RBL1: variants seen among roughly 807,000 people sequenced by gnomAD.
RBL1 encodes retinoblastoma-like protein 1.
In RBL1, 82 loss-of-function variants were observed where a neutral mutation model predicts 123.0. The ratio of observed to expected loss-of-function variants is 0.67; its 90% CI spans 0.56 to 0.80. RBL1 has a LOEUF of 0.80. Ranked by LOEUF, RBL1 falls within the 30% of genes least tolerant of loss-of-function variation. The pLI, the probability that RBL1 is intolerant of heterozygous loss-of-function variation, is 0.00. For missense variants in RBL1, 1,171 were observed against 1,299.6 expected (o/e 0.90, Z 1.52); for synonymous variants, 405 against 441.3 (o/e 0.92, Z 1.03).
intron 19 of RBL1, among the ~76,000 whole-genome samples, chr20:37,012,103 G>A (rs1357238454): frequency 1.3e-5 from 2 of 152,244 alleles, no homozygotes; most frequent in African/African-American, 4.8e-5. Flanking sequence ...AACCGCGAGT[G>A]ATCCGCCAGC....
intron 1 of RBL1, 29 bp from the exon 2 acceptor site, chr20:37,089,151 A>G (rs995670236): frequency 6.4e-7 from 1 of 1,560,112 alleles, no homozygotes; most frequent in Non-Finnish European, 8.7e-7. Context: ...ACAGCAAAAC[A>G]GGTATAATAT....
Position 37,058,994 on chromosome 20 carries a change from A to G in RBL1, c.1250+2109T>C, listed in dbSNP as rs1327539593. Among the ~76,000 whole-genome samples, 3 of 152,152 alleles carry G rather than the reference A, an allele frequency of 2.0e-5. No homozygotes were observed. The East Asian group carries it at 5.8e-4, about 29-fold the overall frequency. ...ACTGATCCTCTCGCCTCAGCCTCCC[A>G]AAGTGCTGCAATTACAGGCATGGGC... On this transcript the variant is annotated intron_variant, in intron 9 of 21. Coordinates refer to ENST00000373664, the MANE Select transcript of RBL1 (RefSeq NM_002895.5).
At chr20:37,089,229 A>G in intron 1 of RBL1, 107 bp from the exon 2 acceptor site, 1 of 1,132,538 alleles carries the variant, frequency 8.8e-7, no homozygotes. Flanking sequence ...TTCCTTATGT[A>G]GATAAAGGGC....
At chr20:37,095,167 C>CTA (rs1413306862) in intron 1 of RBL1, among the ~76,000 whole-genome samples, 1 of 152,174 alleles carries the variant, frequency 6.6e-6, no homozygotes, top group Non-Finnish European at 1.5e-5. Context: ...GAGGAGGAAA[C>CTA]GTAGGGCTGA....
At chr20:37,049,617 T>A in intron 11 of RBL1, 1 of 758,000 alleles carries the variant, frequency 1.3e-6, no homozygotes, top group Non-Finnish European at 2.4e-6. Flanking sequence ...CTGATGAATG[T>A]GGTGCTGGAG....
chr20:37,034,234 G>A (rs573194375), intron 15 of RBL1, among the ~76,000 whole-genome samples: 104 of 152,030 alleles, frequency 6.8e-4, no homozygotes, highest in African/African-American at 2.5e-3. Context: ...ACCATGCCCC[G>A]CATAAATCCT....
chr20:37,024,947 C>A (rs2064396906), intron 16 of RBL1, among the ~76,000 whole-genome samples: 1 of 152,180 alleles, frequency 6.6e-6, no homozygotes, highest in Admixed American at 6.5e-5. Context: ...CAACTGCCAA[C>A]CAAAGCAGCT....
Position 37,065,480 on chromosome 20 carries a change from A to G in RBL1, c.847-7T>C. ...GGCATTCTCCTTTTAATATCTGTGA[A>G]CAAAAAATTATTTTGGGACACCATA... On this transcript the variant is annotated splice_region_variant and splice_polypyrimidine_tract_variant and intron_variant, in intron 6 of 21. Transcript: ENST00000373664. 1 of 1,583,716 alleles carries G rather than the reference A, an allele frequency of 6.3e-7. No homozygotes were observed. Among genetic ancestry groups the G allele is most frequent in the East Asian group, 2.2e-5 (1 of 44,648 alleles).
At chr20:37,006,065 T>C (rs1256803858) in intron 20 of RBL1, among the ~76,000 whole-genome samples, 2 of 151,126 alleles carry the variant, frequency 1.3e-5, no homozygotes, top group Non-Finnish European at 3.0e-5. Flanking sequence ...ACACGGCTAG[T>C]TTTTAGTTTT....
intron 2 of RBL1, among the ~76,000 whole-genome samples, chr20:37,072,292 A>T (rs965597880): frequency 6.6e-6 from 1 of 152,192 alleles, no homozygotes; most frequent in Admixed American, 6.5e-5. Context: ...AACATGGAGA[A>T]ACCCTGTCTC....
At chr20:37,017,233 G>T (rs1002175905) in intron 19 of RBL1, among the ~76,000 whole-genome samples, 7 of 151,696 alleles carry the variant, frequency 4.6e-5, no homozygotes, top group Admixed American at 3.9e-4. Context: ...AATTCGCCAG[G>T]GTGATGGTGC....
chr20:37,050,663 A>G (rs1319178936), intron 11 of RBL1, among the ~76,000 whole-genome samples: 1 of 151,954 alleles, frequency 6.6e-6, no homozygotes, highest in East Asian at 1.9e-4. Flanking sequence ...TGAAAGTTCC[A>G]GAAAGATAAA....
chr20:37,041,974 G>A (rs2064734910), intron 13 of RBL1, among the ~76,000 whole-genome samples: 1 of 151,146 alleles, frequency 6.6e-6, no homozygotes, highest in Non-Finnish European at 1.5e-5. Flanking sequence ...TCAGGAGGCT[G>A]AGGCTGGAGA....
Position 37,030,438 on chromosome 20 carries a change from G to A in RBL1, c.2382+2227C>T, listed in dbSNP as rs542022404. 4.6e-5 allele frequency among the ~76,000 whole-genome samples: 7 copies of A among 152,262 alleles called. No homozygotes were observed. The South Asian group carries it at 1.2e-3, about 27-fold the overall frequency. On this transcript the variant is annotated intron_variant, in intron 16 of 21. Transcript: ENST00000373664. ...AACACCATATACAAAAATTAAAATG[G>A]GCTGGGCGTGGTGGCTCACGGCTGT... is the stretch of plus-strand genomic sequence containing the variant.
chr20:37,092,464 G>C (rs900181292), intron 1 of RBL1, among the ~76,000 whole-genome samples: 3 of 152,044 alleles, frequency 2.0e-5, no homozygotes, highest in African/African-American at 2.4e-5. Flanking sequence ...GACCTCCCAG[G>C]CTCAAGCAAT....
intron 2 of RBL1, among the ~76,000 whole-genome samples, chr20:37,077,789 A>G (rs896042595): frequency 1.1e-4 from 15 of 132,752 alleles, no homozygotes; most frequent in East Asian, 8.5e-4. Flanking sequence ...TATTTTCTGA[A>G]AAAAAAAAAA....
rs771925236 is a variant in RBL1 at position 37,032,879 on chromosome 20, G to A, written c.2171-3C>T. 2.2e-5 allele frequency: 36 copies of A among 1,613,752 alleles called. No homozygotes were observed. In the South Asian group the frequency reaches 3.0e-4, roughly 13 times the overall value. ...CTCTCCAGCATCATTTGCGACACCT[G>A]AATGTATAAGCATTATTAGAAATAA... On this transcript the variant is annotated splice_region_variant and splice_polypyrimidine_tract_variant and intron_variant, in intron 15 of 21. Coordinates refer to ENST00000373664, the MANE Select transcript of RBL1 (RefSeq NM_002895.5).
chr20:37,049,655 A>G, intron 11 of RBL1: 1 of 754,648 alleles, frequency 1.3e-6, no homozygotes, highest in South Asian at 1.4e-5. Flanking sequence ...TTTGACAGAC[A>G]TTATTGTGGC....
In RBL1 at chr20:36,998,904, A is replaced by C. The variant is rs2063918915; in HGVS notation, c.3062T>G (p.Ile1021Arg). 6.2e-7 allele frequency: 1 copy of C among 1,613,286 alleles called. No individual in the cohort carries two copies. Among genetic ancestry groups the C allele is most frequent in the Non-Finnish European group, 8.5e-7 (1 of 1,179,690 alleles). Residue 1021 changes from isoleucine (I) to arginine (R), a missense_variant, in exon 22 of 22, where the codon ATA (isoleucine) becomes AGA (arginine). By Grantham distance (97) the Ile-to-Arg change is moderately conservative. Transcript: ENST00000373664. ...CTTGGTTCTCTGCTCACCTTGCCTT[A>C]TCATGTTGTTGATATCTTTCAAACT... The part of the protein sequence containing the change: ...SKSLKDINNM[I>R]RQGEQRTKKR...
Sources: allele counts gnomAD v4.1 joint callset (sites outside exome capture counted in the v4.1 genomes callset), GRCh38; gene constraint gnomAD v4.1.1; transcripts MANE v1.5; gene names NCBI Gene and HGNC (gene_info 2026-07-23, HGNC 2026-07-21).